The following DISC1 variants were observed in gnomAD, a reference collection of about 807,000 sequenced individuals.
DISC1 encodes the protein DISC1 scaffold protein.
In DISC1, 57 loss-of-function variants were observed where a neutral mutation model predicts 84.5. The ratio of observed to expected loss-of-function variants is 0.67; its 90% CI spans 0.55 to 0.84. DISC1 has a LOEUF of 0.84. Ranked by LOEUF, DISC1 falls within the 40% of genes least tolerant of loss-of-function variation. The probability of loss-of-function intolerance (pLI) is 0.00; values close to 1 mark genes in which losing one functional copy is unlikely to be tolerated. For synonymous variants in DISC1, 411 were observed against 415.2 expected, an observed-to-expected ratio of 0.99 and a Z score of 0.12; for missense variants, 1,000 against 1,057.8, an observed-to-expected ratio of 0.95 and a Z score of 0.76.
intron 3 of DISC1, chr1:231,721,125 C>T (rs1224265224): frequency 2.3e-6 from 3 of 1,279,998 alleles, no homozygotes; most frequent in Non-Finnish European, 3.1e-6. Flanking sequence ...AGTACAATAA[C>T]ATTAGCTCTA....
intron 3 of DISC1, among the ~76,000 whole-genome samples, chr1:231,729,471 C>T (rs147618449): frequency 7.9e-5 from 12 of 152,300 alleles, no homozygotes; most frequent in African/African-American, 2.9e-4. Context: ...AGAAGCATTG[C>T]TCTTTATTAG....
intron 8 of DISC1, among the ~76,000 whole-genome samples, chr1:231,808,001 T>G (rs999940687): frequency 6.6e-6 from 1 of 152,222 alleles, no homozygotes; most frequent in Non-Finnish European, 1.5e-5. Flanking sequence ...TCTTTTTTCT[T>G]TGCATTCCCA....
chr1:231,867,066 A>G (rs970390629), intron 9 of DISC1, among the ~76,000 whole-genome samples: 50 of 152,222 alleles, frequency 3.3e-4, no homozygotes, highest in African/African-American at 1.2e-3. Flanking sequence ...AGTCTTCTTG[A>G]GGCCTGGCGT....
At chr1:231,780,237 T>TTA (rs542367893) in intron 6 of DISC1, among the ~76,000 whole-genome samples, 21 of 103,946 alleles carry the variant, frequency 2.0e-4, no homozygotes, top group Non-Finnish European at 3.1e-4. Flanking sequence ...TAAAGTATAA[T>TTA]AAAAAAAAAA....
chr1:231,973,249 T>C (rs1001486870), intron 10 of DISC1, among the ~76,000 whole-genome samples: 13 of 152,166 alleles, frequency 8.5e-5, no homozygotes, highest in Non-Finnish European at 1.9e-4. Context: ...GGTTTCACCA[T>C]ATTGGCCAGG....
chr1:231,866,839 G>C, intron 9 of DISC1: 1 of 801,736 alleles, frequency 1.2e-6, no homozygotes, highest in Non-Finnish European at 1.7e-6. Flanking sequence ...TTGTCATTGC[G>C]GTTCTCTGAA....
chr1:231,778,240 A>C (rs1244785135), intron 6 of DISC1, among the ~76,000 whole-genome samples: 1 of 152,286 alleles, frequency 6.6e-6, no homozygotes, highest in East Asian at 1.9e-4. Context: ...TGAGAGGAAG[A>C]GAAACTGGAA....
chr1:231,973,409 C>T (rs1662311663), intron 10 of DISC1, among the ~76,000 whole-genome samples: 1 of 152,210 alleles, frequency 6.6e-6, no homozygotes, highest in South Asian at 2.1e-4. Flanking sequence ...CAACCTCATG[C>T]AAAGGTCTCG....
chr1:231,722,829 C>T lies in DISC1; in HGVS notation c.1117+20805C>T, dbSNP rs2070013492. ...AAAACCAGGTGGGCATTTCTGCCCA[C>T]TGTACCGTTTCTCCCATGCGTTTCC... On this transcript the variant is annotated intron_variant, in intron 3 of 12. Coordinates refer to ENST00000439617, the MANE Select transcript of DISC1 (RefSeq NM_018662.3). The T allele has an allele frequency of 2.1e-6, 3 of 1,435,118 alleles. No homozygotes were observed. In the South Asian group the frequency reaches 4.5e-5, roughly 22 times the overall value. 88.9% of individuals were successfully genotyped at this position (1,435,118 alleles called of 1,614,324 possible).
chr1:231,735,596 A>G (rs1054109799), intron 3 of DISC1, among the ~76,000 whole-genome samples: 2 of 152,248 alleles, frequency 1.3e-5, no homozygotes, highest in Non-Finnish European at 1.5e-5. Context: ...CTGAATCCAC[A>G]TAACTGTGTG....
intron 9 of DISC1, among the ~76,000 whole-genome samples, chr1:231,885,584 T>G (rs886825753): frequency 6.6e-6 from 1 of 152,202 alleles, no homozygotes; most frequent in African/African-American, 2.4e-5. Flanking sequence ...CTCCCCTCTT[T>G]CAAGTACCTT....
intron 1 of DISC1, among the ~76,000 whole-genome samples, chr1:231,667,608 A>C (rs999991964): frequency 1.3e-5 from 2 of 152,232 alleles, no homozygotes; most frequent in African/African-American, 4.8e-5. Context: ...AAAAATTAGC[A>C]ATTCAAATTC....
intron 1 of DISC1, among the ~76,000 whole-genome samples, chr1:231,662,232 C>G (rs1218407417): frequency 6.6e-6 from 1 of 152,200 alleles, no homozygotes; most frequent in African/African-American, 2.4e-5. Flanking sequence ...GGAATGGTAT[C>G]AGGGACCCAT....
intron 9 of DISC1, among the ~76,000 whole-genome samples, chr1:231,877,659 A>T (rs1206840303): frequency 6.6e-6 from 1 of 152,178 alleles, no homozygotes; most frequent in Non-Finnish European, 1.5e-5. Context: ...TATTAATGTT[A>T]TTTTAGGTAT....
chr1:231,803,041 T>C (rs539662569), intron 8 of DISC1, among the ~76,000 whole-genome samples: 3 of 152,150 alleles, frequency 2.0e-5, no homozygotes, highest in Non-Finnish European at 4.4e-5. Context: ...CTTTAAGACG[T>C]AGTGACTTAA....
intron 5 of DISC1, among the ~76,000 whole-genome samples, chr1:231,769,364 C>T (rs1405244937): frequency 6.6e-6 from 1 of 152,168 alleles, no homozygotes; most frequent in African/African-American, 2.4e-5. Flanking sequence ...AAGGTGATAA[C>T]AACTCAAGTG....
intron 9 of DISC1, among the ~76,000 whole-genome samples, chr1:231,870,395 T>C (rs891292454): frequency 1.6e-4 from 24 of 152,372 alleles, no homozygotes; most frequent in Non-Finnish European, 3.1e-4. Context: ...TCTTCCCCTC[T>C]TTTCCCTATA....
In DISC1 at chr1:231,675,152, C is replaced by T. The variant is rs1411372731; in HGVS notation, c.68-18674C>T. ...AAGCTGAGACCCTTGATACTCTGCA[C>T]ACGGCTAGTATGGGCTTTATACAGA... On this transcript the variant is annotated intron_variant, in intron 1 of 12. Transcript: ENST00000439617. The surrounding 1 kb of genome is among the most constrained non-coding windows in gnomAD (Gnocchi z 4.1). Among the ~76,000 whole-genome samples, 1 of 152,066 alleles carries T rather than the reference C, an allele frequency of 6.6e-6. No individual in the cohort carries two copies. Among genetic ancestry groups the T allele is most frequent in the Admixed American group, 6.5e-5 (1 of 15,270 alleles).
chr1:231,917,462 A>G (rs560471661), intron 9 of DISC1, among the ~76,000 whole-genome samples: 11 of 152,366 alleles, frequency 7.2e-5, no homozygotes, highest in African/African-American at 2.6e-4. Context: ...CAGATGCTTT[A>G]TGTAGTATCA....
Sources: gnomAD v4.1 joint callset for allele counts (sites outside exome capture counted in the v4.1 genomes callset) on GRCh38, gnomAD v4.1.1 for gene constraint, Gnocchi (gnomAD v3.1) non-coding constraint, MANE v1.5 for transcripts, NCBI Gene and HGNC (gene_info 2026-07-23, HGNC 2026-07-21) for gene names.